Variants in EXOC2 observed in about 807,000 individuals in gnomAD.
EXOC2 encodes the protein SEC5-like 1.
In EXOC2, 70 loss-of-function variants were observed where a neutral mutation model predicts 131.8. The observed-to-expected ratio is 0.53, with a 90% CI of 0.44 to 0.65. EXOC2 has a LOEUF of 0.65. EXOC2 is among the 30% of genes least tolerant of loss of function. The probability of loss-of-function intolerance (pLI) is 0.00; values close to 1 mark genes in which losing one functional copy is unlikely to be tolerated. For synonymous variants in EXOC2, 411 were observed against 398.4 expected, an observed-to-expected ratio of 1.03 and a Z score of -0.38; for missense variants, 923 against 1,108.6, an observed-to-expected ratio of 0.83 and a Z score of 2.38.
intron 23 of EXOC2, among the ~76,000 whole-genome samples, chr6:528,129 T>C (rs1405205231): frequency 6.6e-6 from 1 of 152,164 alleles, no homozygotes; most frequent in Non-Finnish European, 1.5e-5. Flanking sequence ...GACAACAATT[T>C]AAATACCCAA....
At chr6:656,102 G>T (rs1283760302) in intron 1 of EXOC2, 7 of 1,579,922 alleles carry the variant, frequency 4.4e-6, no homozygotes, top group Non-Finnish European at 8.7e-7. Context: ...TAAGCTGGCT[G>T]AATTTTTACA....
chr6:567,213 C>G (rs1206297651), intron 13 of EXOC2, among the ~76,000 whole-genome samples: 1 of 151,906 alleles, frequency 6.6e-6, no homozygotes, highest in Admixed American at 6.5e-5. Context: ...GCCTGTCCCT[C>G]CCAGCCCTCC....
chr6:612,664 C>A (rs1466736054), intron 6 of EXOC2, among the ~76,000 whole-genome samples: 1 of 152,112 alleles, frequency 6.6e-6, no homozygotes, highest in Non-Finnish European at 1.5e-5. Flanking sequence ...CTTCATACAT[C>A]AATAGACACT....
chr6:599,054 T>A, intron 8 of EXOC2, 26 bp downstream of exon 8: 1 of 1,589,274 alleles, frequency 6.3e-7, no homozygotes, highest in Non-Finnish European at 8.6e-7. Context: ...TACAACCATA[T>A]GTAAATAAAT....
At chr6:632,889 G>C in intron 3 of EXOC2, 52 bp downstream of exon 3, 1 of 1,539,310 alleles carries the variant, frequency 6.5e-7, no homozygotes, top group Non-Finnish European at 8.8e-7. Flanking sequence ...CAGCTTAAAA[G>C]ACAAACTCAT....
intron 11 of EXOC2, 70 bp downstream of exon 11, chr6:592,398 AT>A: frequency 7.6e-7 from 1 of 1,315,732 alleles, no homozygotes; most frequent in Non-Finnish European, 1.1e-6. Flanking sequence ...TGCCTTCATC[AT>A]TAAACATTCC....
chr6:598,859 C>T lies in EXOC2; in HGVS notation c.970+1G>A, dbSNP rs1174637941. 6.2e-7 allele frequency: 1 copy of T among 1,607,242 alleles called. No homozygotes were observed. Among genetic ancestry groups the T allele is most frequent in the Non-Finnish European group, 8.5e-7 (1 of 1,176,896 alleles). ...ATCTAAAAGTAATACATGAATCTTA[C>T]ATTTCTTGAAAACTTGCACCTCCGT... On this transcript the variant is annotated splice_donor_variant, in intron 9 of 27. Transcript: ENST00000230449. LOFTEE classifies it high-confidence loss of function.
chr6:544,964 G>A (rs994005627), intron 22 of EXOC2, among the ~76,000 whole-genome samples: 3 of 151,636 alleles, frequency 2.0e-5, no homozygotes, highest in Non-Finnish European at 4.4e-5. Context: ...TGGCTAACAA[G>A]GTGAAACCCC....
intron 21 of EXOC2, among the ~76,000 whole-genome samples, chr6:550,755 G>A (rs1757102567): frequency 1.3e-5 from 2 of 152,218 alleles, no homozygotes; most frequent in South Asian, 2.1e-4. Context: ...AGGACAAGGA[G>A]TAAGTAAACC....
At chr6:656,856 C>T (rs1357845151) in intron 1 of EXOC2, 1 of 1,609,848 alleles carries the variant, frequency 6.2e-7, no homozygotes, top group Non-Finnish European at 8.5e-7. Flanking sequence ...GCGGAGCACG[C>T]AGACCTTCGC....
intron 1 of EXOC2, among the ~76,000 whole-genome samples, chr6:639,073 T>C (rs1239069586): frequency 1.3e-5 from 2 of 152,148 alleles, no homozygotes; most frequent in African/African-American, 4.8e-5. Flanking sequence ...ACTAAAAAGT[T>C]AGATTCCCTG....
rs541451527 is a variant in EXOC2, at chr6:485,464, C to T, written c.*1207G>A. On this transcript the variant is annotated 3_prime_UTR_variant, in exon 28 of 28. Transcript: ENST00000230449. Reference sequence around the variant, plus strand: ...GCATTAATGAGGACATTAATTTTAGCATTTAAAAAAAGAGATTTAAAAATA... The same window carrying T: ...GCATTAATGAGGACATTAATTTTAGTATTTAAAAAAAGAGATTTAAAAATA... 1.1e-4 allele frequency: 17 copies of T among 152,190 alleles called. No homozygotes were observed. In the South Asian group the frequency reaches 3.1e-3, roughly 28 times the overall value. The allele number at this position is 152,190 out of a possible 1,614,324, so 9.4% of individuals were successfully genotyped here.
intron 22 of EXOC2, 117 bp downstream of exon 22, chr6:549,058 C>T (rs899561103): frequency 6.5e-6 from 5 of 773,752 alleles, no homozygotes; most frequent in South Asian, 6.3e-5. Context: ...AGCAGTGTGG[C>T]TGTGGGGGCG....
At chr6:500,262 T>C (rs942106370) in intron 23 of EXOC2, among the ~76,000 whole-genome samples, 1 of 152,222 alleles carries the variant, frequency 6.6e-6, no homozygotes, top group Non-Finnish European at 1.5e-5. Context: ...GAATCACTTT[T>C]AGGAGAAACT....
rs541585369 is a variant in EXOC2, at chr6:639,970, T to G, written c.-43-2109A>C. Among the ~76,000 whole-genome samples the G allele has an allele frequency of 1.9e-3, 295 of 151,884 alleles. 1 individual carries two copies. Among genetic ancestry groups the G allele is most frequent in the Non-Finnish European group, 3.6e-3 (245 of 67,960 alleles). ...GGCGAAATGTGGCCATTTGGAGGGGTAGTAAATAATTTTTAGGGGGAATGA... is the reference window on the plus strand; with the variant it reads ...GGCGAAATGTGGCCATTTGGAGGGGGAGTAAATAATTTTTAGGGGGAATGA... On this transcript the variant is annotated intron_variant, in intron 1 of 27. Coordinates refer to ENST00000230449, the MANE Select transcript of EXOC2 (RefSeq NM_018303.6).
chr6:609,713 G>A (rs571466930), intron 7 of EXOC2, among the ~76,000 whole-genome samples: 1 of 152,264 alleles, frequency 6.6e-6, no homozygotes, highest in South Asian at 2.1e-4. Context: ...TGTGGCTGAG[G>A]TTATTTGCAT....
chr6:650,203 C>A (rs1056832198), intron 1 of EXOC2, among the ~76,000 whole-genome samples: 2 of 152,102 alleles, frequency 1.3e-5, no homozygotes, highest in African/African-American at 4.8e-5. Flanking sequence ...TCTATTGAAA[C>A]ATTTATGAAC....
chr6:671,168 C>G, intron 1 of EXOC2, among the ~76,000 whole-genome samples: 1 of 151,546 alleles, frequency 6.6e-6, no homozygotes, highest in East Asian at 1.9e-4. Context: ...ACCAGTCTGG[C>G]CAACATGGCA....
intron 1 of EXOC2, among the ~76,000 whole-genome samples, chr6:645,136 A>C (rs549468898): frequency 1.2e-4 from 19 of 152,280 alleles, no homozygotes; most frequent in Admixed American, 4.6e-4. Context: ...ATAGACTAGA[A>C]TCCAGAAACA....
Sources: allele counts gnomAD v4.1 joint callset (sites outside exome capture counted in the v4.1 genomes callset), GRCh38; gene constraint gnomAD v4.1.1; transcripts MANE v1.5; gene names NCBI Gene and HGNC (gene_info 2026-07-23, HGNC 2026-07-21).